KLF12: variants seen among roughly 807,000 people sequenced by gnomAD.
KLF12 encodes the protein KLF transcription factor 12.
Under a neutral mutation model 37.8 loss-of-function variants are expected in KLF12, and 9 were observed. The observed-to-expected ratio is 0.24, with a 90% CI of 0.14 to 0.42. The LOEUF (loss-of-function observed/expected upper bound fraction) is 0.42, where lower values mean the gene tolerates loss of function less well. Among genes scored for constraint, KLF12 ranks in the 10% least tolerant of loss-of-function variants. The pLI, the probability that KLF12 is intolerant of heterozygous loss-of-function variation, is 1.00. For missense variants in KLF12, 411 were observed against 516.0 expected, an observed-to-expected ratio of 0.80 and a Z score of 1.97; for synonymous variants, 208 against 202.1, an observed-to-expected ratio of 1.03 and a Z score of -0.25.
intron 7 of KLF12, 28 bp downstream of exon 7, chr13:73,715,340 A>C (rs749418374): frequency 1.9e-6 from 3 of 1,599,254 alleles, no homozygotes; most frequent in Non-Finnish European, 2.6e-6. Context: ...TCACTGGCTC[A>C]CAGGTGAGAA....
chr13:74,243,725 CAT>C, the KLF12 span, among the ~76,000 whole-genome samples: 1 of 151,992 alleles, frequency 6.6e-6, no homozygotes, highest in Non-Finnish European at 1.5e-5. Flanking sequence ...ACATTTTATT[CAT>C]ATGTTTGTTG....
the KLF12 span, among the ~76,000 whole-genome samples, chr13:74,140,056 C>T: frequency 6.6e-6 from 1 of 151,882 alleles, no homozygotes; most frequent in African/African-American, 2.4e-5. Flanking sequence ...TTAGAATTTT[C>T]CCAAATTTTT....
At chr13:73,973,619 G>A (rs1484563896) in intron 2 of KLF12, among the ~76,000 whole-genome samples, 3 of 69,912 alleles carry the variant, frequency 4.3e-5, no homozygotes, top group Non-Finnish European at 8.8e-5. Context: ...TGAAAAGGCA[G>A]AAAGAAAGAT....
intron 4 of KLF12, among the ~76,000 whole-genome samples, chr13:73,814,552 G>C (rs1393498076): frequency 6.6e-6 from 1 of 152,142 alleles, no homozygotes; most frequent in Non-Finnish European, 1.5e-5. Flanking sequence ...TGAACCTCGT[G>C]TGCACCCGTG....
At chr13:74,150,175 T>C in the KLF12 span, among the ~76,000 whole-genome samples, 3 of 152,210 alleles carry the variant, frequency 2.0e-5, no homozygotes, top group African/African-American at 7.2e-5. Flanking sequence ...TAGTATAATA[T>C]AGAAATACAG....
At chr13:73,766,394 G>A (rs1879916726) in intron 5 of KLF12, among the ~76,000 whole-genome samples, 1 of 152,156 alleles carries the variant, frequency 6.6e-6, no homozygotes, top group African/African-American at 2.4e-5. Flanking sequence ...GGACAAAGAG[G>A]GGGAAAACGC....
At position 73,690,767 on chromosome 13, in the gene KLF12, T is replaced by G. The variant is rs1027259951; in HGVS notation, c.*4723A>C. 1.3e-5 allele frequency: 2 copies of G among 152,760 alleles called. No individual in the cohort carries two copies. Among genetic ancestry groups the G allele is most frequent in the African/African-American group, 4.8e-5 (2 of 41,578 alleles). The allele number at this position is 152,760 out of a possible 1,614,324, so 9.5% of individuals were successfully genotyped here. A position where few individuals can be genotyped will look rare whatever the true frequency, so the allele number is the denominator to read the frequency against. On this transcript the variant is annotated 3_prime_UTR_variant, in exon 8 of 8. Coordinates refer to ENST00000377669, the MANE Select transcript of KLF12 (RefSeq NM_007249.5). The stretch of plus-strand genomic sequence containing the variant: ...AAGCTCTCTTTCCCAACATACTTCA[T>G]CAAACTATTTACAACCTCTGTAAAA...
chr13:73,780,515 T>C (rs868272476), intron 5 of KLF12, among the ~76,000 whole-genome samples: 3 of 152,052 alleles, frequency 2.0e-5, no homozygotes, highest in African/African-American at 7.2e-5. Context: ...GTTTCGCTCT[T>C]GTTGCCCAGG....
chr13:74,251,597 G>A, the KLF12 span, among the ~76,000 whole-genome samples: 1 of 152,070 alleles, frequency 6.6e-6, no homozygotes, highest in African/African-American at 2.4e-5. Context: ...CTCTCCTCCA[G>A]TATTAACATT....
intron 4 of KLF12, among the ~76,000 whole-genome samples, chr13:73,842,855 CT>C (rs5804700): frequency 0.33 from 50,100 of 151,998 alleles, 9,489 homozygotes; most frequent in Non-Finnish European, 0.44. Context: ...AAACAAAGAA[CT>C]GAGGAATTAC....
chr13:74,222,871 T>C, the KLF12 span, among the ~76,000 whole-genome samples: 1 of 152,192 alleles, frequency 6.6e-6, no homozygotes, highest in African/African-American at 2.4e-5. Context: ...CCTAGTACAG[T>C]GCCTGGCACC....
chr13:74,152,270 T>C, the KLF12 span, among the ~76,000 whole-genome samples: 1 of 152,228 alleles, frequency 6.6e-6, no homozygotes, highest in Non-Finnish European at 1.5e-5. Context: ...CATTATTAAT[T>C]ATTTGTCATT....
chr13:74,070,457 T>C (rs1447868222), intron 1 of KLF12, among the ~76,000 whole-genome samples: 1 of 152,176 alleles, frequency 6.6e-6, no homozygotes, highest in Non-Finnish European at 1.5e-5. Context: ...GCAAGAGTCT[T>C]TTCTAGAGGA....
chr13:73,986,938 GT>G (rs71788398), intron 2 of KLF12, among the ~76,000 whole-genome samples: 5,380 of 150,224 alleles, frequency 0.036, 201 homozygotes, highest in African/African-American at 0.093. Flanking sequence ...ATAAATTTGT[GT>G]TTTTTTTTCA....
chr13:73,707,602 A>AT (rs1413474346), intron 7 of KLF12, among the ~76,000 whole-genome samples: 1 of 152,084 alleles, frequency 6.6e-6, no homozygotes, highest in Non-Finnish European at 1.5e-5. Flanking sequence ...AGGAACCTAG[A>AT]TGGGGGGGTC....
At chr13:73,992,830 TA>T (rs1892005666) in intron 2 of KLF12, among the ~76,000 whole-genome samples, 1 of 152,232 alleles carries the variant, frequency 6.6e-6, no homozygotes, top group South Asian at 2.1e-4. Context: ...CAGACTTTGT[TA>T]AAACTAACAG....
At chr13:74,189,966 G>C in the KLF12 span, among the ~76,000 whole-genome samples, 6 of 151,818 alleles carry the variant, frequency 4.0e-5, no homozygotes, top group Non-Finnish European at 8.8e-5. Flanking sequence ...GTATTCCATT[G>C]AATGCAAAAC....
intron 5 of KLF12, among the ~76,000 whole-genome samples, chr13:73,797,205 T>A (rs944759650): frequency 6.6e-6 from 1 of 152,216 alleles, no homozygotes; most frequent in Non-Finnish European, 1.5e-5. Context: ...TGCCACTGAC[T>A]TCCTGTCTAT....
At chr13:74,249,636 G>T in the KLF12 span, among the ~76,000 whole-genome samples, 1 of 152,164 alleles carries the variant, frequency 6.6e-6, no homozygotes, top group Non-Finnish European at 1.5e-5. Context: ...TCATAATTCT[G>T]TTTGAGGGAA....
Sources: allele counts gnomAD v4.1 joint callset (sites outside exome capture counted in the v4.1 genomes callset), GRCh38; gene constraint gnomAD v4.1.1; transcripts MANE v1.5; gene names NCBI Gene and HGNC (gene_info 2026-07-23, HGNC 2026-07-21).